The following ACSM6 variants were observed in gnomAD, a reference collection of about 807,000 sequenced individuals.
The protein encoded by ACSM6 is acyl-CoA synthetase medium chain family member 6.
A neutral mutation model predicts 51.1 loss-of-function variants in ACSM6; 35 were observed. That is an observed-to-expected ratio of 0.69 (90% confidence interval 0.52 to 0.91). The LOEUF is 0.91. ACSM6 is among the 40% of genes least tolerant of loss of function. ACSM6 has a pLI of 0.00. For synonymous variants in ACSM6, 172 were observed against 207.3 expected (o/e 0.83, Z 1.46); for missense variants, 509 against 584.1 (o/e 0.87, Z 1.32).
chr10:95,200,080 T>C (rs1173898120), intron 2 of ACSM6, among the ~76,000 whole-genome samples: 4 of 152,060 alleles, frequency 2.6e-5, no homozygotes, highest in Admixed American at 1.3e-4. Flanking sequence ...CTATTCACAA[T>C]AGCAAAGACT....
At chr10:95,223,540 C>A (rs536282212) in intron 9 of ACSM6, among the ~76,000 whole-genome samples, 1 of 151,864 alleles carries the variant, frequency 6.6e-6, no homozygotes, top group Non-Finnish European at 1.5e-5. Flanking sequence ...CTATAAAAAC[C>A]AATTAATACA....
chr10:95,215,985 G>A (rs1368742721), intron 8 of ACSM6, among the ~76,000 whole-genome samples: 1 of 152,196 alleles, frequency 6.6e-6, no homozygotes, highest in Non-Finnish European at 1.5e-5. Context: ...CTAGAGTGCA[G>A]TGGTGTGACC....
At chr10:95,219,652 T>TG (rs1455202584) in intron 8 of ACSM6, among the ~76,000 whole-genome samples, 1 of 152,212 alleles carries the variant, frequency 6.6e-6, no homozygotes, top group African/African-American at 2.4e-5. Context: ...TTTCACAGCC[T>TG]GGATTTTGCT....
intron 1 of ACSM6, 46 bp from the exon 2 acceptor site, chr10:95,194,419 C>A: frequency 7.0e-7 from 1 of 1,421,448 alleles, no homozygotes; most frequent in Non-Finnish European, 9.6e-7. Flanking sequence ...GTGATTATCC[C>A]TCTGAGCTGC....
At chr10:95,218,826 C>T (rs987656100) in intron 8 of ACSM6, among the ~76,000 whole-genome samples, 4 of 152,136 alleles carry the variant, frequency 2.6e-5, no homozygotes, top group South Asian at 2.1e-4. Flanking sequence ...CTAGTTACTG[C>T]GGTACACTAG....
At chr10:95,198,918 C>T (rs1358639921) in intron 2 of ACSM6, among the ~76,000 whole-genome samples, 1 of 152,074 alleles carries the variant, frequency 6.6e-6, no homozygotes, top group Non-Finnish European at 1.5e-5. Context: ...ATGAAAATGG[C>T]CATACTGCCC....
At chr10:95,202,488 T>C (rs1196625912) in intron 3 of ACSM6, among the ~76,000 whole-genome samples, 5 of 152,132 alleles carry the variant, frequency 3.3e-5, no homozygotes, top group African/African-American at 4.8e-5. Flanking sequence ...GAGTAAATAA[T>C]CCACAGAGCG....
intron 2 of ACSM6, among the ~76,000 whole-genome samples, chr10:95,201,159 C>T (rs1339006130): frequency 6.6e-6 from 1 of 152,106 alleles, no homozygotes; most frequent in Non-Finnish European, 1.5e-5. Flanking sequence ...AGGATCATGC[C>T]CTGAGAAATC....
At chr10:95,212,160 G>C in intron 6 of ACSM6, 126 bp downstream of exon 6, 2 of 1,152,328 alleles carry the variant, frequency 1.7e-6, no homozygotes, top group Admixed American at 2.1e-5. Flanking sequence ...ATCTTGACTT[G>C]AAGATGCTCT....
At chr10:95,201,901 G>T (rs1282597709) in intron 2 of ACSM6, 84 bp from the exon 3 acceptor site, 1 of 1,178,684 alleles carries the variant, frequency 8.5e-7, no homozygotes. Context: ...CTAGCCACTT[G>T]AGGGTGCTGT....
At chr10:95,218,273 T>C (rs2034964533) in intron 8 of ACSM6, among the ~76,000 whole-genome samples, 1 of 152,242 alleles carries the variant, frequency 6.6e-6, no homozygotes, top group South Asian at 2.1e-4. Context: ...TTCCATTTAA[T>C]TGTAATGTAC....
Position 95,212,943 on chromosome 10 carries a change from A to G in ACSM6, c.995+3A>G. Reference sequence around the variant, plus strand: ...CTTCAGCACAAGTGTTTCACCAGGTAAGAGAGGATCCCTCAGGAGAGAGTC... The same window carrying G: ...CTTCAGCACAAGTGTTTCACCAGGTGAGAGAGGATCCCTCAGGAGAGAGTC... On this transcript the variant is annotated splice_donor_region_variant and intron_variant, in intron 7 of 10. Coordinates refer to ENST00000341686, the Ensembl canonical transcript of ACSM6. 6.2e-7 allele frequency: 1 copy of G among 1,601,414 alleles called. No individual in the cohort carries two copies. The highest frequency in any genetic ancestry group is 8.6e-7 in the Non-Finnish European group (1 of 1,168,456).
At chr10:95,225,105 G>A (rs2035025976) in intron 9 of ACSM6, among the ~76,000 whole-genome samples, 185 bp from the exon 10 acceptor site, 1 of 152,168 alleles carries the variant, frequency 6.6e-6, no homozygotes, top group Non-Finnish European at 1.5e-5. Context: ...TCCAGCTCTG[G>A]CACCCTCACA....
chr10:95,210,188 T>C (rs563079471), intron 4 of ACSM6, among the ~76,000 whole-genome samples: 3 of 152,322 alleles, frequency 2.0e-5, no homozygotes, highest in African/African-American at 7.2e-5. Context: ...ATCACAATGT[T>C]TGTGGCAAAT....
At chr10:95,212,981 T>C (rs754927084) in intron 7 of ACSM6, 41 bp downstream of exon 7, 4 of 1,510,158 alleles carry the variant, frequency 2.6e-6, no homozygotes, top group South Asian at 1.1e-5. Flanking sequence ...TTTCCACTCA[T>C]GGTACCATAA....
At chr10:95,196,855 A>G (rs1347337343) in intron 2 of ACSM6, among the ~76,000 whole-genome samples, 1 of 152,210 alleles carries the variant, frequency 6.6e-6, no homozygotes, top group African/African-American at 2.4e-5. Context: ...TTTATAAAGT[A>G]TTTCATTGAG....
Position 95,210,801 on chromosome 10 carries a change from T to G in ACSM6, c.755+8T>G, listed in dbSNP as rs1248853309. 6.2e-7 allele frequency: 1 copy of G among 1,612,972 alleles called. No homozygotes were observed. Among genetic ancestry groups the G allele is most frequent in the East Asian group, 2.2e-5 (1 of 44,868 alleles). ...ATTCAGCCAGGCTTCCAGGTACGGTTCTCGCACAGCCTGTACAGGCCTGAA... is the reference window on the plus strand; with the variant it reads ...ATTCAGCCAGGCTTCCAGGTACGGTGCTCGCACAGCCTGTACAGGCCTGAA... On this transcript the variant is annotated splice_region_variant and intron_variant, in intron 5 of 10. Coordinates refer to ENST00000341686, the Ensembl canonical transcript of ACSM6.
chr10:95,197,105 G>T (rs1449578429), intron 2 of ACSM6, among the ~76,000 whole-genome samples: 1 of 152,182 alleles, frequency 6.6e-6, no homozygotes, highest in East Asian at 1.9e-4. Context: ...GCATCGTGTG[G>T]TAGGGTGTGT....
At chr10:95,221,128 GA>G (rs1479646880) in intron 9 of ACSM6, among the ~76,000 whole-genome samples, 1 of 151,840 alleles carries the variant, frequency 6.6e-6, no homozygotes, top group African/African-American at 2.4e-5. Context: ...TGTTCCTTAG[GA>G]TTTTCTTAGA....
Sources: allele counts gnomAD v4.1 joint callset (sites outside exome capture counted in the v4.1 genomes callset), GRCh38; gene constraint gnomAD v4.1.1; transcripts MANE v1.5; gene names NCBI Gene and HGNC (gene_info 2026-07-23, HGNC 2026-07-21).